Variants in AUTS2 observed in about 807,000 individuals in gnomAD.
The protein encoded by AUTS2 is activator of transcription and developmental regulator AUTS2, also known as autism susceptibility gene 2 protein.
A neutral mutation model predicts 112.4 loss-of-function variants in AUTS2; 17 were observed. The observed-to-expected ratio is 0.15, with a 90% CI of 0.10 to 0.23. AUTS2 has a LOEUF of 0.23. Among genes scored for constraint, AUTS2 ranks in the 10% least tolerant of loss-of-function variants. The probability of loss-of-function intolerance (pLI) is 1.00; values close to 1 mark genes in which losing one functional copy is unlikely to be tolerated. For synonymous variants in AUTS2, 751 were observed against 702.7 expected, an observed-to-expected ratio of 1.07 and a Z score of -1.09; for missense variants, 1,510 against 1,701.6, an observed-to-expected ratio of 0.89 and a Z score of 1.98.
At chr7:70,209,736 T>C (rs1388142828) in intron 4 of AUTS2, among the ~76,000 whole-genome samples, 1 of 152,126 alleles carries the variant, frequency 6.6e-6, no homozygotes, top group Non-Finnish European at 1.5e-5. Context: ...GGACAAATAA[T>C]ATTAATTGGG....
intron 1 of AUTS2, among the ~76,000 whole-genome samples, chr7:69,863,072 C>T (rs561549349): frequency 4.9e-4 from 74 of 152,124 alleles, no homozygotes; most frequent in African/African-American, 1.7e-3. Context: ...TACGAGGACT[C>T]GGGGTGGTGA....
chr7:70,034,626 G>T (rs1411786584), intron 2 of AUTS2, among the ~76,000 whole-genome samples: 2 of 152,160 alleles, frequency 1.3e-5, no homozygotes, highest in East Asian at 3.8e-4. Flanking sequence ...GGTGCTTCTA[G>T]TATCACTGTC....
At chr7:70,285,169 C>T (rs1766822336) in intron 4 of AUTS2, among the ~76,000 whole-genome samples, 1 of 152,006 alleles carries the variant, frequency 6.6e-6, no homozygotes, top group Non-Finnish European at 1.5e-5. Flanking sequence ...AAGCTCTTAA[C>T]ATTTGAGTCA....
chr7:70,399,370 C>T (rs1368905617), intron 4 of AUTS2, among the ~76,000 whole-genome samples: 5 of 152,062 alleles, frequency 3.3e-5, no homozygotes, highest in Non-Finnish European at 7.4e-5. Flanking sequence ...GTACATTGTA[C>T]ATACATTGCT....
At chr7:69,654,316 T>A (rs552172608) in intron 1 of AUTS2, among the ~76,000 whole-genome samples, 1 of 152,178 alleles carries the variant, frequency 6.6e-6, no homozygotes. Context: ...GAGAAGCTGC[T>A]CTCCTCGCCA....
At chr7:69,883,284 T>G (rs1018031817) in intron 1 of AUTS2, among the ~76,000 whole-genome samples, 1 of 147,318 alleles carries the variant, frequency 6.8e-6, no homozygotes, top group South Asian at 2.1e-4. Context: ...TAGAGTTCCT[T>G]TTTTTTTTTT....
At chr7:69,899,900 G>A (rs575404323) in intron 2 of AUTS2, among the ~76,000 whole-genome samples, 9 of 152,310 alleles carry the variant, frequency 5.9e-5, no homozygotes, top group African/African-American at 2.2e-4. Context: ...TAAAATGATT[G>A]CCTGTGTGTG....
chr7:70,297,032 TAG>T lies in AUTS2; in HGVS notation c.661-138716_661-138715del, dbSNP rs531556824. Among the ~76,000 whole-genome samples the T allele has an allele frequency of 3.0e-3, 448 of 149,340 alleles. 3 individuals are homozygous for T. The highest frequency in any genetic ancestry group is 4.8e-3 in the South Asian group (22 of 4,568). On this transcript the variant is annotated intron_variant, in intron 4 of 18. Coordinates refer to ENST00000342771, the MANE Select transcript of AUTS2 (RefSeq NM_015570.4). Reference sequence around the variant, plus strand: ...TTTTTTTTTTTTTTTTTTCAATTTATAGAGACAAGGTCTCACTATGTTGCCCA... The same window carrying T: ...TTTTTTTTTTTTTTTTTTCAATTTATAGACAAGGTCTCACTATGTTGCCCA...
intron 2 of AUTS2, among the ~76,000 whole-genome samples, chr7:70,005,534 G>A (rs1799508131): frequency 6.6e-6 from 1 of 152,206 alleles, no homozygotes; most frequent in Non-Finnish European, 1.5e-5. Context: ...CCTCTGAACA[G>A]AGGAATTACC....
chr7:70,466,837 A>G (rs1031248254), intron 5 of AUTS2, among the ~76,000 whole-genome samples: 1 of 152,180 alleles, frequency 6.6e-6, no homozygotes, highest in African/African-American at 2.4e-5. Flanking sequence ...CAGATTTGTC[A>G]TTTAAACGGT....
At chr7:70,729,224 A>C (rs750299028) in intron 6 of AUTS2, 2 of 456,210 alleles carry the variant, frequency 4.4e-6, no homozygotes, top group Non-Finnish European at 8.8e-6. Flanking sequence ...GGTTAAAGGT[A>C]CCATGGCTGG....
At chr7:70,461,130 G>T (rs1796945536) in intron 5 of AUTS2, among the ~76,000 whole-genome samples, 1 of 152,136 alleles carries the variant, frequency 6.6e-6, no homozygotes, top group South Asian at 2.1e-4. Context: ...TTTCTTTAGG[G>T]GAAGATGACG....
intron 5 of AUTS2, among the ~76,000 whole-genome samples, chr7:70,495,247 A>C: frequency 6.6e-6 from 1 of 151,496 alleles, no homozygotes; most frequent in Admixed American, 6.6e-5. Flanking sequence ...AAAAAAAAAA[A>C]AAAAAAAAAA....
intron 4 of AUTS2, among the ~76,000 whole-genome samples, chr7:70,337,929 C>T (rs531967534): frequency 6.6e-6 from 1 of 152,092 alleles, no homozygotes; most frequent in South Asian, 2.1e-4. Context: ...TCAATTTAGG[C>T]CTTGTTGTGA....
At chr7:70,197,537 A>T (rs1810251357) in intron 4 of AUTS2, among the ~76,000 whole-genome samples, 1 of 126,490 alleles carries the variant, frequency 7.9e-6, no homozygotes, top group East Asian at 2.3e-4. Context: ...TGGGAAGCGC[A>T]AGGGGTCAGG....
intron 4 of AUTS2, among the ~76,000 whole-genome samples, chr7:70,204,693 C>T (rs1810479180): frequency 6.6e-6 from 1 of 152,120 alleles, no homozygotes; most frequent in Non-Finnish European, 1.5e-5. Context: ...CAGGAACCTT[C>T]TGTTTATCAT....
chr7:70,747,339 A>T (rs1048474941), intron 6 of AUTS2, among the ~76,000 whole-genome samples: 1 of 152,218 alleles, frequency 6.6e-6, no homozygotes, highest in African/African-American at 2.4e-5. Context: ...AAGCAGCACT[A>T]GTGTATTGGT....
At chr7:70,100,012 T>A (rs1011030551) in intron 2 of AUTS2, among the ~76,000 whole-genome samples, 1 of 152,002 alleles carries the variant, frequency 6.6e-6, no homozygotes, top group Non-Finnish European at 1.5e-5. Context: ...AAAAAAAAAA[T>A]GACAAATATG....
At chr7:70,315,416 T>G (rs771778563) in intron 4 of AUTS2, among the ~76,000 whole-genome samples, 4 of 152,250 alleles carry the variant, frequency 2.6e-5, no homozygotes, top group Non-Finnish European at 5.9e-5. Flanking sequence ...TTTCTCATAC[T>G]GACTTCAGAT....
Sources: gnomAD v4.1 joint callset for allele counts (sites outside exome capture counted in the v4.1 genomes callset) on GRCh38, gnomAD v4.1.1 for gene constraint, MANE v1.5 for transcripts, NCBI Gene and HGNC (gene_info 2026-07-23, HGNC 2026-07-21) for gene names.